KCNH8: variants seen among roughly 807,000 people sequenced by gnomAD.
KCNH8 encodes voltage-gated delayed rectifier potassium channel KCNH8.
Under a neutral mutation model 103.6 loss-of-function variants are expected in KCNH8, and 70 were observed. The observed-to-expected ratio is 0.68, with a 90% confidence interval of 0.56 to 0.82. KCNH8 has a LOEUF of 0.82. Among genes scored for constraint, KCNH8 ranks in the 40% least tolerant of loss-of-function variants. KCNH8 has a pLI of 0.00. For missense variants in KCNH8, 1,217 were observed against 1,329.9 expected (o/e 0.92, Z 1.32); for synonymous variants, 498 against 489.4 (o/e 1.02, Z -0.23).
intron 2 of KCNH8, among the ~76,000 whole-genome samples, chr3:19,271,917 T>C (rs571054531): frequency 8.5e-5 from 13 of 152,236 alleles, no homozygotes; most frequent in African/African-American, 2.2e-4. Context: ...GTAACACAAA[T>C]TTGTTCTGAT....
intron 4 of KCNH8, 128 bp downstream of exon 4, chr3:19,342,842 G>A: frequency 1.2e-6 from 1 of 853,260 alleles, no homozygotes; most frequent in Non-Finnish European, 1.8e-6. Flanking sequence ...TTTGGTTTGT[G>A]CTTTTCTATA....
At chr3:19,487,006 G>A (rs1029684236) in intron 11 of KCNH8, among the ~76,000 whole-genome samples, 2 of 152,082 alleles carry the variant, frequency 1.3e-5, no homozygotes, top group Non-Finnish European at 2.9e-5. Context: ...TACTTTTTGC[G>A]CACCCGACTG....
intron 1 of KCNH8, among the ~76,000 whole-genome samples, chr3:19,169,255 CTTTTTTTTT>C: frequency 8.0e-6 from 1 of 124,960 alleles, no homozygotes; most frequent in East Asian, 2.2e-4. Context: ...TTCTTTCTTT[CTTTTTTTTT>C]TTTTTTTTTT....
In KCNH8 at chr3:19,480,725, T is replaced by G. The variant is rs575831521; in HGVS notation, c.2040+23743T>G. 4.6e-5 allele frequency among the ~76,000 whole-genome samples: 7 copies of G among 152,320 alleles called. No individual in the cohort carries two copies. The South Asian group carries it at 1.5e-3, about 32-fold the overall frequency. On this transcript the variant is annotated intron_variant, in intron 11 of 15. Coordinates refer to ENST00000328405, the MANE Select transcript of KCNH8 (RefSeq NM_144633.3). ...AATAGTAGAATGTTGAGGCCTTCTC[T>G]CCACAGTTTGAGAAAAAAAGAGTTG... is the stretch of plus-strand genomic sequence containing the variant.
At chr3:19,491,906 G>C (rs1395833260) in intron 11 of KCNH8, among the ~76,000 whole-genome samples, 1 of 151,992 alleles carries the variant, frequency 6.6e-6, no homozygotes, top group African/African-American at 2.4e-5. Context: ...ATTTTGATTT[G>C]CATTTCTCTG....
At chr3:19,201,254 A>AAAAAAAAAAAAAAAAAG (rs1559419872) in intron 1 of KCNH8, among the ~76,000 whole-genome samples, 22 of 143,468 alleles carry the variant, frequency 1.5e-4, no homozygotes, top group Non-Finnish European at 2.5e-4. Flanking sequence ...AAAAAAAAAA[A>AAAAAAAAAAAAAAAAAG]AAAAAAAAGA....
At chr3:19,198,871 C>T (rs898658317) in intron 1 of KCNH8, among the ~76,000 whole-genome samples, 6 of 151,786 alleles carry the variant, frequency 4.0e-5, no homozygotes, top group African/African-American at 1.2e-4. Context: ...TTTGCAGAAA[C>T]GAGGTACATG....
chr3:19,422,914 T>C (rs2066972404), intron 7 of KCNH8, among the ~76,000 whole-genome samples: 1 of 152,078 alleles, frequency 6.6e-6, no homozygotes, highest in South Asian at 2.1e-4. Flanking sequence ...ACGGATAACC[T>C]AGTTTACTGA....
intron 1 of KCNH8, among the ~76,000 whole-genome samples, chr3:19,160,368 A>G (rs1283634930): frequency 6.6e-6 from 1 of 152,102 alleles, no homozygotes; most frequent in Non-Finnish European, 1.5e-5. Context: ...TAATTTACAT[A>G]TATTAAATCA....
At chr3:19,260,535 G>T (rs1459697007) in intron 2 of KCNH8, among the ~76,000 whole-genome samples, 46 of 71,160 alleles carry the variant, frequency 6.5e-4, no homozygotes, top group South Asian at 3.2e-3. Flanking sequence ...TATATATATA[G>T]TAAAATGGTT....
chr3:19,289,685 A>G (rs1001354831), intron 3 of KCNH8, among the ~76,000 whole-genome samples: 6 of 151,978 alleles, frequency 3.9e-5, no homozygotes, highest in Admixed American at 3.3e-4. Flanking sequence ...TGGCTGGAGG[A>G]TTCCAGCCAA....
At chr3:19,377,500 G>C (rs1331302255) in intron 5 of KCNH8, among the ~76,000 whole-genome samples, 1 of 152,156 alleles carries the variant, frequency 6.6e-6, no homozygotes, top group African/African-American at 2.4e-5. Flanking sequence ...GAATCATCTG[G>C]TTTTTCCTGA....
chr3:19,208,497 G>A (rs1559423381), intron 1 of KCNH8, among the ~76,000 whole-genome samples: 1 of 151,892 alleles, frequency 6.6e-6, no homozygotes, highest in African/African-American at 2.4e-5. Flanking sequence ...TGAAAAGAGT[G>A]GTGTGTGATT....
At chr3:19,151,280 A>G (rs1159436446) in intron 1 of KCNH8, among the ~76,000 whole-genome samples, 1 of 152,136 alleles carries the variant, frequency 6.6e-6, no homozygotes, top group African/African-American at 2.4e-5. Context: ...AGAGAAAACT[A>G]TTTACAAATT....
chr3:19,457,037 AT>A (rs1559336350), intron 11 of KCNH8, 55 bp downstream of exon 11: 1 of 1,242,096 alleles, frequency 8.1e-7, no homozygotes, highest in Non-Finnish European at 1.2e-6. Flanking sequence ...CCTGGAGATC[AT>A]TTGTAACAGT....
At chr3:19,481,053 ATCTT>A (rs1559348393) in intron 11 of KCNH8, among the ~76,000 whole-genome samples, 1 of 152,146 alleles carries the variant, frequency 6.6e-6, no homozygotes. Context: ...GCCAAGACAA[ATCTT>A]TCTTTCCCAT....
intron 3 of KCNH8, among the ~76,000 whole-genome samples, chr3:19,299,465 C>T (rs982660160): frequency 2.6e-5 from 4 of 151,384 alleles, no homozygotes; most frequent in Middle Eastern, 3.4e-3. Flanking sequence ...CCCCCATCTC[C>T]GAAAAAAAGA....
At chr3:19,262,633 C>T (rs987786007) in intron 2 of KCNH8, among the ~76,000 whole-genome samples, 1 of 151,912 alleles carries the variant, frequency 6.6e-6, no homozygotes, top group African/African-American at 2.4e-5. Flanking sequence ...TCATGCCCAC[C>T]CATTTAATAA....
At chr3:19,497,373 TG>T (rs2125229296) in intron 11 of KCNH8, among the ~76,000 whole-genome samples, 1 of 152,338 alleles carries the variant, frequency 6.6e-6, no homozygotes, top group African/African-American at 2.4e-5. Context: ...CTTTTTGATG[TG>T]GGTGTTTAGT....
Sources: gnomAD v4.1 joint callset for allele counts (sites outside exome capture counted in the v4.1 genomes callset) on GRCh38, gnomAD v4.1.1 for gene constraint, MANE v1.5 for transcripts, NCBI Gene and HGNC (gene_info 2026-07-23, HGNC 2026-07-21) for gene names.